CACNA1D: variants seen among roughly 807,000 people sequenced by gnomAD.
The protein encoded by CACNA1D is calcium voltage-gated channel subunit alpha1 D, also known as voltage-dependent L-type calcium channel subunit alpha-1D.
In CACNA1D, 55 loss-of-function variants were observed where a neutral mutation model predicts 257.1. That is an observed-to-expected ratio of 0.21 (90% confidence interval 0.17 to 0.27). The LOEUF is 0.27. Ranked by LOEUF, CACNA1D falls within the 10% of genes least tolerant of loss-of-function variation. CACNA1D has a pLI of 1.00. For missense variants in CACNA1D, 1,876 were observed against 2,784.0 expected (o/e 0.67, Z 7.34); for synonymous variants, 980 against 1,014.9 (o/e 0.97, Z 0.65).
rs115962450 is a variant in CACNA1D, at chr3:53,637,636, C to T, written c.484-13143C>T. On this transcript the variant is annotated intron_variant, in intron 3 of 47. Coordinates refer to ENST00000350061, the MANE Select transcript of CACNA1D (RefSeq NM_001128840.3). ...GGGTTCTGAGCTTGGGAAATGGTGA[C>T]GGAGCCCTCTCTCTAGCCTCTGGGA... Among the ~76,000 whole-genome samples, 714 of 152,248 alleles carry T rather than the reference C, an allele frequency of 4.7e-3. 9 individuals are homozygous for T. The highest frequency in any genetic ancestry group is 3.3e-3 in the Non-Finnish European group (223 of 68,034).
intron 30 of CACNA1D, among the ~76,000 whole-genome samples, chr3:53,768,085 C>T (rs900203545): frequency 6.6e-6 from 1 of 152,200 alleles, no homozygotes; most frequent in African/African-American, 2.4e-5. Flanking sequence ...AAGAGATGTA[C>T]ACTTCGAAAT....
chr3:53,629,588 T>G (rs2093799778), intron 3 of CACNA1D, among the ~76,000 whole-genome samples: 1 of 152,156 alleles, frequency 6.6e-6, no homozygotes, highest in Admixed American at 6.5e-5. Flanking sequence ...CCCTCCTCAT[T>G]CCTCATGTGG....
chr3:53,525,340 G>A (rs888633660), intron 3 of CACNA1D, among the ~76,000 whole-genome samples: 1 of 152,152 alleles, frequency 6.6e-6, no homozygotes, highest in South Asian at 2.1e-4. Context: ...TGATTTCTGT[G>A]TATTATTGGT....
chr3:53,783,203 C>T (rs2095435213), intron 39 of CACNA1D: 1 of 152,478 alleles, frequency 6.6e-6, no homozygotes, highest in South Asian at 2.1e-4. Flanking sequence ...ACGCCACCTT[C>T]ATCACAACCA....
chr3:53,570,165 T>A (rs1198089110), intron 3 of CACNA1D, among the ~76,000 whole-genome samples: 1 of 152,246 alleles, frequency 6.6e-6, no homozygotes. Context: ...GATTTACATT[T>A]CAACTTACAG....
chr3:53,810,452 C>A, intron 47 of CACNA1D, 154 bp downstream of exon 47: 2 of 769,830 alleles, frequency 2.6e-6, no homozygotes, highest in South Asian at 1.5e-5. Context: ...GTACCTGAAG[C>A]ATGAGTAAAA....
Position 53,673,143 on chromosome 3 carries a change from T to G in CACNA1D, c.1220+17T>G. ...ATTGAGCGGGTAAGCTACACCTCTT[T>G]CATCTTGAAAGCAGAGTCCTGAGGA... On this transcript the variant is annotated intron_variant, in intron 8 of 47. Coordinates refer to ENST00000350061, the MANE Select transcript of CACNA1D (RefSeq NM_001128840.3). The surrounding 1 kb of genome is among the most constrained non-coding windows in gnomAD (Gnocchi z 4.1). 8.6e-6 allele frequency: 13 copies of G among 1,507,302 alleles called. No individual in the cohort carries two copies. Among genetic ancestry groups the G allele is most frequent in the Non-Finnish European group, 1.2e-5 (13 of 1,106,568 alleles). 93.4% of individuals were successfully genotyped at this position (1,507,302 alleles called of 1,614,324 possible).
intron 16 of CACNA1D, 54 bp downstream of exon 16, chr3:53,730,610 C>G: frequency 7.7e-7 from 1 of 1,295,510 alleles, no homozygotes; most frequent in South Asian, 1.2e-5. Context: ...GGGAGCCCTG[C>G]AACAGTTGCA....
At chr3:53,629,895 A>G (rs2093803394) in intron 3 of CACNA1D, among the ~76,000 whole-genome samples, 1 of 152,246 alleles carries the variant, frequency 6.6e-6, no homozygotes, top group African/African-American at 2.4e-5. Flanking sequence ...GCTGACTGAC[A>G]GTGTATTTGC....
Position 53,586,070 on chromosome 3 carries a change from A to T in CACNA1D, c.484-64709A>T, listed in dbSNP as rs534565032. Among the ~76,000 whole-genome samples, 14 of 152,160 alleles carry T rather than the reference A, an allele frequency of 9.2e-5. No homozygotes were observed. In the South Asian group the frequency reaches 1.0e-3, roughly 11 times the overall value. On this transcript the variant is annotated intron_variant, in intron 3 of 47. Coordinates refer to ENST00000350061, the MANE Select transcript of CACNA1D (RefSeq NM_001128840.3). Reference sequence around the variant, plus strand: ...AAGCAGGCCCCAAACTGTGTATAGGATATGTGGGTAATGGGCCAGAAAGCT... The same window carrying T: ...AAGCAGGCCCCAAACTGTGTATAGGTTATGTGGGTAATGGGCCAGAAAGCT...
At position 53,617,513 on chromosome 3, in the gene CACNA1D, A is replaced by G. The variant is rs545003245; in HGVS notation, c.484-33266A>G. 3.3e-5 allele frequency among the ~76,000 whole-genome samples: 5 copies of G among 152,316 alleles called. No individual in the cohort carries two copies. In the South Asian group the frequency reaches 1.0e-3, roughly 32 times the overall value. ...GGGTGTTATGACAATTAAGTGACGCATTGCCTGTAAAGTACTTAGCATAAT... is the reference window on the plus strand; with the variant it reads ...GGGTGTTATGACAATTAAGTGACGCGTTGCCTGTAAAGTACTTAGCATAAT... On this transcript the variant is annotated intron_variant, in intron 3 of 47. Coordinates refer to ENST00000350061, the MANE Select transcript of CACNA1D (RefSeq NM_001128840.3).
At chr3:53,647,786 T>C (rs1005707841) in intron 3 of CACNA1D, among the ~76,000 whole-genome samples, 6 of 152,224 alleles carry the variant, frequency 3.9e-5, no homozygotes, top group Admixed American at 1.3e-4. Flanking sequence ...CGGGATGACA[T>C]TGGCTTCTAG....
chr3:53,702,835 G>A (rs778473889), intron 9 of CACNA1D, 25 bp downstream of exon 9: 1 of 1,613,660 alleles, frequency 6.2e-7, no homozygotes, highest in South Asian at 1.1e-5. Flanking sequence ...TCCTGCCCCT[G>A]GCTAGACAGA....
chr3:53,808,530 C>A, intron 45 of CACNA1D, 119 bp from the exon 46 acceptor site: 2 of 1,249,190 alleles, frequency 1.6e-6, no homozygotes, highest in Non-Finnish European at 1.2e-6. Flanking sequence ...TTCTCTTGGA[C>A]AAACCGCATG....
chr3:53,622,659 A>G (rs1036887858), intron 3 of CACNA1D, among the ~76,000 whole-genome samples: 1 of 152,174 alleles, frequency 6.6e-6, no homozygotes, highest in African/African-American at 2.4e-5. Context: ...CAGGAAAAAC[A>G]ACTAATGTGT....
chr3:53,735,733 G>A (rs1199020523), intron 20 of CACNA1D, among the ~76,000 whole-genome samples: 6 of 152,234 alleles, frequency 3.9e-5, no homozygotes, highest in Non-Finnish European at 4.4e-5. Flanking sequence ...ATACTCTGCA[G>A]GAACGGTCAG....
At chr3:53,592,963 A>G (rs1318578054) in intron 3 of CACNA1D, among the ~76,000 whole-genome samples, 1 of 152,178 alleles carries the variant, frequency 6.6e-6, no homozygotes, top group African/African-American at 2.4e-5. Context: ...TGCTGGGATT[A>G]CAGGTGTGAG....
In CACNA1D at chr3:53,629,153, G is replaced by A. The variant is rs527678670; in HGVS notation, c.484-21626G>A. Reference sequence around the variant, plus strand: ...ACGAGCGTGGTTGTGTGGCAGTAAAGCTTTATTTACGAAAACCTGGCTGGT... The same window carrying A: ...ACGAGCGTGGTTGTGTGGCAGTAAAACTTTATTTACGAAAACCTGGCTGGT... On this transcript the variant is annotated intron_variant, in intron 3 of 47. Coordinates refer to ENST00000350061, the MANE Select transcript of CACNA1D (RefSeq NM_001128840.3). Among the ~76,000 whole-genome samples, 82 of 152,356 alleles carry A rather than the reference G, an allele frequency of 5.4e-4. No homozygotes were observed. The East Asian group carries it at 0.013, about 25-fold the overall frequency.
At chr3:53,749,582 T>TTA in intron 27 of CACNA1D, 113 bp downstream of exon 27, 1 of 773,532 alleles carries the variant, frequency 1.3e-6, no homozygotes, top group Non-Finnish European at 2.3e-6. Flanking sequence ...TGTCTGTCCC[T>TTA]GGGGCTAGGG....
Sources: gnomAD v4.1 joint callset for allele counts (sites outside exome capture counted in the v4.1 genomes callset) on GRCh38, gnomAD v4.1.1 for gene constraint, Gnocchi (gnomAD v3.1) non-coding constraint, MANE v1.5 for transcripts, NCBI Gene and HGNC (gene_info 2026-07-23, HGNC 2026-07-21) for gene names.